Variants in TLCD4 observed in about 807,000 individuals in gnomAD.
The protein encoded by TLCD4 is TLC domain containing 4, also known as TLC domain-containing protein 4.
Under a neutral mutation model 24.2 loss-of-function variants are expected in TLCD4, and 7 were observed. That is an observed-to-expected ratio of 0.29 (90% CI 0.16 to 0.54). The LOEUF (loss-of-function observed/expected upper bound fraction) is 0.54. Among genes scored for constraint, TLCD4 ranks in the 20% least tolerant of loss-of-function variants. TLCD4 has a pLI of 0.95. For synonymous variants in TLCD4, 103 were observed against 106.4 expected, an observed-to-expected ratio of 0.97 and a Z score of 0.20; for missense variants, 259 against 313.9, an observed-to-expected ratio of 0.82 and a Z score of 1.32.
At chr1:95,143,680 C>A (rs1236414835) in intron 1 of TLCD4, among the ~76,000 whole-genome samples, 2 of 151,950 alleles carry the variant, frequency 1.3e-5, no homozygotes, top group African/African-American at 4.8e-5. Flanking sequence ...ATATTGAGAT[C>A]TTTAAGATAA....
At chr1:95,129,999 C>T (rs917142994) in intron 1 of TLCD4, among the ~76,000 whole-genome samples, 10 of 152,082 alleles carry the variant, frequency 6.6e-5, no homozygotes, top group African/African-American at 2.2e-4. Flanking sequence ...GTCTTTTTCC[C>T]TATATGTCTC....
chr1:95,130,853 C>T (rs766634108), intron 1 of TLCD4, among the ~76,000 whole-genome samples: 6 of 152,230 alleles, frequency 3.9e-5, no homozygotes, highest in Admixed American at 6.5e-5. Context: ...AAATATACTC[C>T]ATTTATAATG....
chr1:95,128,908 A>C (rs1676813681), intron 1 of TLCD4, among the ~76,000 whole-genome samples: 1 of 152,224 alleles, frequency 6.6e-6, no homozygotes, highest in African/African-American at 2.4e-5. Context: ...TAGATTAAAG[A>C]AATGTGTAGC....
chr1:95,108,333 C>T, the TLCD4 span, among the ~76,000 whole-genome samples: 4 of 152,148 alleles, frequency 2.6e-5, no homozygotes, highest in South Asian at 2.1e-4. Context: ...TTCCTTTTTA[C>T]GAATTCCAAC....
intron 1 of TLCD4, among the ~76,000 whole-genome samples, chr1:95,142,970 C>A: frequency 9.1e-5 from 1 of 10,962 alleles, no homozygotes; most frequent in Admixed American, 1.4e-3. Flanking sequence ...GGGTTGGGGG[C>A]GTGGCGGAGG....
chr1:95,196,803 A>C lies in TLCD4; in HGVS notation c.*4935A>C, dbSNP rs1329491013. 1 of 152,200 alleles carries C rather than the reference A, an allele frequency of 6.6e-6. No individual in the cohort carries two copies. The highest frequency in any genetic ancestry group is 1.5e-5 in the Non-Finnish European group (1 of 68,030). 9.4% of individuals were successfully genotyped at this position (152,200 alleles called of 1,614,324 possible). A position where few individuals can be genotyped will look rare whatever the true frequency, so the allele number is the denominator to read the frequency against. ...ACATTAGGGTTATTTGCTACTTAAC[A>C]AGCCTAAAGGTATAGCTGTATATAG... On this transcript the variant is annotated 3_prime_UTR_variant, in exon 7 of 7. Coordinates refer to ENST00000370203, the MANE Select transcript of TLCD4 (RefSeq NM_152487.3).
At chr1:95,122,141 T>TGAA (rs1042852210) in intron 1 of TLCD4, among the ~76,000 whole-genome samples, 23 of 152,042 alleles carry the variant, frequency 1.5e-4, no homozygotes, top group African/African-American at 5.3e-4. Context: ...ATCACCTAAG[T>TGAA]GAAGAGTTTG....
intron 1 of TLCD4, chr1:95,138,134 G>A (rs2100927308): frequency 6.6e-6 from 1 of 152,250 alleles, no homozygotes; most frequent in Middle Eastern, 3.4e-3. Context: ...TCACTATTAT[G>A]TGTTACCTCT....
At chr1:95,112,141 TC>T in the TLCD4 span, among the ~76,000 whole-genome samples, 4 of 151,978 alleles carry the variant, frequency 2.6e-5, no homozygotes, top group Non-Finnish European at 5.9e-5. Flanking sequence ...TGCCAGACCA[TC>T]CCCCTCTTTC....
intron 6 of TLCD4, among the ~76,000 whole-genome samples, chr1:95,178,563 CTTTTTT>C (rs57190787): frequency 1.2e-5 from 1 of 82,360 alleles, no homozygotes; most frequent in African/African-American, 4.9e-5. Context: ...ATGCCCAGCC[CTTTTTT>C]TTTTTTTTTT....
At chr1:95,108,829 T>C in the TLCD4 span, among the ~76,000 whole-genome samples, 1 of 152,364 alleles carries the variant, frequency 6.6e-6, no homozygotes, top group South Asian at 2.1e-4. Context: ...CATTAGCCTA[T>C]CTATTCCATT....
At chr1:95,098,862 C>T in the TLCD4 span, among the ~76,000 whole-genome samples, 2 of 151,736 alleles carry the variant, frequency 1.3e-5, no homozygotes, top group Non-Finnish European at 1.5e-5. Context: ...GTCAGGAGTT[C>T]AAGACCAGCC....
intron 1 of TLCD4, among the ~76,000 whole-genome samples, chr1:95,131,354 CT>C (rs1055510068): frequency 4.6e-5 from 7 of 152,032 alleles, no homozygotes; most frequent in Non-Finnish European, 8.8e-5. Flanking sequence ...GTGCACAGGC[CT>C]TGTGGAAGAA....
intron 3 of TLCD4, 89 bp downstream of exon 3, chr1:95,148,880 A>T: frequency 6.6e-7 from 1 of 1,512,632 alleles, no homozygotes; most frequent in Non-Finnish European, 8.9e-7. Context: ...TAAAACAGAA[A>T]ACATATTGAT....
the TLCD4 span, among the ~76,000 whole-genome samples, chr1:95,107,879 C>G: frequency 6.6e-6 from 1 of 152,098 alleles, no homozygotes; most frequent in Non-Finnish European, 1.5e-5. Context: ...AAATTTCCCT[C>G]TTTTTCAAAA....
At chr1:95,129,654 A>G (rs1676834445) in intron 1 of TLCD4, among the ~76,000 whole-genome samples, 2 of 152,196 alleles carry the variant, frequency 1.3e-5, no homozygotes, top group African/African-American at 2.4e-5. Context: ...AGACACGAGA[A>G]TAGCTTGAAC....
chr1:95,123,915 T>G (rs1444383140), intron 1 of TLCD4, among the ~76,000 whole-genome samples: 2 of 152,210 alleles, frequency 1.3e-5, no homozygotes, highest in Non-Finnish European at 2.9e-5. Context: ...GGCATACTGC[T>G]TATTTTATAA....
At chr1:95,114,911 A>G (rs2100890776), upstream of TLCD4, among the ~76,000 whole-genome samples, 1 of 152,138 alleles carries the variant, frequency 6.6e-6, no homozygotes, top group Admixed American at 6.5e-5. Context: ...GTTTGCTTGA[A>G]CTGTTTCAGT....
chr1:95,169,590 T>C (rs989101504), intron 5 of TLCD4, among the ~76,000 whole-genome samples: 1 of 152,202 alleles, frequency 6.6e-6, no homozygotes, highest in African/African-American at 2.4e-5. Context: ...GAAAAAGTAA[T>C]CTTTTAAATT....
Sources: gnomAD v4.1 joint callset for allele counts (sites outside exome capture counted in the v4.1 genomes callset) on GRCh38, gnomAD v4.1.1 for gene constraint, MANE v1.5 for transcripts, NCBI Gene and HGNC (gene_info 2026-07-23, HGNC 2026-07-21) for gene names.